The following RAB38 variants were observed in gnomAD, a reference collection of about 807,000 sequenced individuals.
RAB38 encodes the protein RAB38, member RAS oncogene family, also known as ras-related protein Rab-38.
In RAB38, 15 loss-of-function variants were observed where a neutral mutation model predicts 18.4. The observed-to-expected ratio is 0.82, with a 90% CI of 0.55 to 1.26. The LOEUF (loss-of-function observed/expected upper bound fraction) is 1.26. Ranked by LOEUF, RAB38 falls within the 50% of genes most tolerant of loss-of-function variation. The probability of loss-of-function intolerance (pLI) is 0.00; values close to 1 mark genes in which losing one functional copy is unlikely to be tolerated. For missense variants in RAB38, 294 were observed against 267.4 expected, an observed-to-expected ratio of 1.10 and a Z score of -0.69; for synonymous variants, 101 against 104.4, an observed-to-expected ratio of 0.97 and a Z score of 0.20.
At chr11:87,815,293 T>TG in the RAB38 span, 2 of 152,206 alleles carry the variant, frequency 1.3e-5, no homozygotes, top group Non-Finnish European at 2.9e-5. Flanking sequence ...AGGGCTAGTA[T>TG]ACCTCCTAGT....
At chr11:88,115,105 A>C (rs1268916853) in intron 2 of RAB38, among the ~76,000 whole-genome samples, 1 of 152,220 alleles carries the variant, frequency 6.6e-6, no homozygotes, top group Non-Finnish European at 1.5e-5. Flanking sequence ...CTGGTCAGAA[A>C]CCTAAGACAT....
chr11:88,043,471 G>A, the RAB38 span, among the ~76,000 whole-genome samples: 15 of 151,968 alleles, frequency 9.9e-5, no homozygotes, highest in Non-Finnish European at 2.2e-4. Context: ...CATCCAGATG[G>A]CCTGAAGTAA....
At chr11:87,976,808 T>A in the RAB38 span, among the ~76,000 whole-genome samples, 2 of 118,522 alleles carry the variant, frequency 1.7e-5, no homozygotes, top group South Asian at 5.0e-4. Flanking sequence ...TTATAATATA[T>A]TATATATTAT....
chr11:87,961,256 C>A, the RAB38 span, among the ~76,000 whole-genome samples: 1 of 151,986 alleles, frequency 6.6e-6, no homozygotes, highest in Non-Finnish European at 1.5e-5. Flanking sequence ...ATTTGTCTTG[C>A]CTAATAATTT....
At chr11:88,057,415 T>A in the RAB38 span, among the ~76,000 whole-genome samples, 1 of 151,882 alleles carries the variant, frequency 6.6e-6, no homozygotes, top group Non-Finnish European at 1.5e-5. Context: ...ACCTGTGCCA[T>A]CCTGAATAAA....
intron 1 of RAB38, among the ~76,000 whole-genome samples, chr11:88,170,060 C>G (rs1943291153): frequency 6.6e-6 from 1 of 152,180 alleles, no homozygotes; most frequent in Non-Finnish European, 1.5e-5. Context: ...TTTCCTTGGT[C>G]AAGCTGCTAC....
At chr11:87,850,756 A>T in the RAB38 span, among the ~76,000 whole-genome samples, 3 of 151,796 alleles carry the variant, frequency 2.0e-5, no homozygotes, top group African/African-American at 7.3e-5. Context: ...ATACACACAC[A>T]CCAGTATACA....
chr11:88,150,946 T>C (rs1943056238), intron 1 of RAB38, among the ~76,000 whole-genome samples: 1 of 152,166 alleles, frequency 6.6e-6, no homozygotes, highest in Non-Finnish European at 1.5e-5. Flanking sequence ...AATGTAACAG[T>C]AAACTAGATA....
At chr11:87,878,148 T>G in the RAB38 span, among the ~76,000 whole-genome samples, 1 of 146,712 alleles carries the variant, frequency 6.8e-6, no homozygotes, top group African/African-American at 2.6e-5. Context: ...GCTTTGACCA[T>G]TTACTGCTTT....
At chr11:87,952,080 C>A in the RAB38 span, among the ~76,000 whole-genome samples, 1 of 151,988 alleles carries the variant, frequency 6.6e-6, no homozygotes, top group Non-Finnish European at 1.5e-5. Flanking sequence ...GTAGAGGAAG[C>A]AGTGGGTAAG....
the RAB38 span, among the ~76,000 whole-genome samples, chr11:87,880,305 A>T: frequency 6.6e-6 from 1 of 151,736 alleles, no homozygotes; most frequent in Non-Finnish European, 1.5e-5. Context: ...ATATGGGTGG[A>T]AATAATGTAT....
the RAB38 span, among the ~76,000 whole-genome samples, chr11:87,932,032 C>G: frequency 1.3e-5 from 2 of 151,924 alleles, no homozygotes; most frequent in Non-Finnish European, 2.9e-5. Context: ...ATTGTTTGCT[C>G]TCTCCATGTC....
At chr11:87,946,838 C>A in the RAB38 span, among the ~76,000 whole-genome samples, 2 of 152,156 alleles carry the variant, frequency 1.3e-5, no homozygotes, top group African/African-American at 4.8e-5. Context: ...GTGAATAGTG[C>A]CGCTATAAAC....
At chr11:88,022,368 A>G in the RAB38 span, among the ~76,000 whole-genome samples, 3 of 152,008 alleles carry the variant, frequency 2.0e-5, no homozygotes, top group South Asian at 2.1e-4. Context: ...TAAAAGCTGT[A>G]TATGACAGAC....
chr11:88,053,799 T>C, the RAB38 span, among the ~76,000 whole-genome samples: 3 of 151,738 alleles, frequency 2.0e-5, no homozygotes, highest in African/African-American at 7.2e-5. Context: ...AGCTTTTTTT[T>C]TTTTTTTATT....
chr11:88,172,957 T>G (rs1016215550), intron 1 of RAB38, among the ~76,000 whole-genome samples: 2 of 152,216 alleles, frequency 1.3e-5, no homozygotes, highest in African/African-American at 4.8e-5. Context: ...AGATGTTGAA[T>G]GTAACACCAC....
At chr11:87,943,174 G>A in the RAB38 span, among the ~76,000 whole-genome samples, 2 of 152,112 alleles carry the variant, frequency 1.3e-5, no homozygotes, top group Non-Finnish European at 2.9e-5. Context: ...TTCCTATTTT[G>A]GAGATGTCTC....
At chr11:88,104,345 T>G in the RAB38 span, among the ~76,000 whole-genome samples, 1 of 152,126 alleles carries the variant, frequency 6.6e-6, no homozygotes, top group Non-Finnish European at 1.5e-5. Flanking sequence ...ACTTAACTGA[T>G]GTTTACACAA....
intron 2 of RAB38, among the ~76,000 whole-genome samples, chr11:88,125,855 C>A (rs1220621194): frequency 6.6e-6 from 1 of 152,146 alleles, no homozygotes. Flanking sequence ...TTAGATCTAA[C>A]ATTTAAGTCT....
Sources: allele counts gnomAD v4.1 joint callset (sites outside exome capture counted in the v4.1 genomes callset), GRCh38; gene constraint gnomAD v4.1.1; transcripts MANE v1.5; gene names NCBI Gene and HGNC (gene_info 2026-07-23, HGNC 2026-07-21).